The following CRK variants were observed in gnomAD, a reference collection of about 807,000 sequenced individuals.
The protein encoded by CRK is CRK proto-oncogene, adaptor protein.
In CRK, 4 loss-of-function variants were observed where a neutral mutation model predicts 29.8. That is an observed-to-expected ratio of 0.13 (90% confidence interval 0.07 to 0.31). CRK has a LOEUF of 0.31. Among genes scored for constraint, CRK ranks in the 10% least tolerant of loss-of-function variants. The pLI is 1.00. For missense variants in CRK, 274 were observed against 396.5 expected (o/e 0.69, Z 2.62); for synonymous variants, 153 against 164.9 (o/e 0.93, Z 0.55).
At chr17:1,434,764 T>C (rs1428372848) in intron 2 of CRK, among the ~76,000 whole-genome samples, 1 of 129,426 alleles carries the variant, frequency 7.7e-6, no homozygotes, top group Non-Finnish European at 1.5e-5. Context: ...GCCTGGGCGA[T>C]GGAGTGAGAT....
chr17:1,448,823 A>C (rs922672686), intron 1 of CRK, among the ~76,000 whole-genome samples: 4 of 150,288 alleles, frequency 2.7e-5, no homozygotes, highest in African/African-American at 9.8e-5. Context: ...GGTGGCTCAC[A>C]CCTGTAATCT....
chr17:1,442,305 C>T (rs898608222), intron 1 of CRK, among the ~76,000 whole-genome samples: 1 of 151,882 alleles, frequency 6.6e-6, no homozygotes, highest in Non-Finnish European at 1.5e-5. Context: ...TAGGCGCACA[C>T]CACACCTGGC....
Position 1,441,102 on chromosome 17 carries a change from A to C in CRK, c.242-3947T>G, listed in dbSNP as rs1464584191. 3.3e-5 allele frequency among the ~76,000 whole-genome samples: 5 copies of C among 151,550 alleles called. 1 individual carries two copies. The East Asian group carries it at 9.8e-4, about 30-fold the overall frequency. ...AGGCACGCATCACCACGCCCAACTA[A>C]TTTTTTGTAGTAATGGGATTTCGCC... is the stretch of plus-strand genomic sequence containing the variant. On this transcript the variant is annotated intron_variant, in intron 1 of 2. Transcript: ENST00000300574.
Position 1,455,908 on chromosome 17 carries a change from C to G in CRK, c.210G>C (p.Pro70=). The G allele has an allele frequency of 6.3e-7, 1 of 1,581,634 alleles. No individual in the cohort carries two copies. Among genetic ancestry groups the G allele is most frequent in the Non-Finnish European group, 8.6e-7 (1 of 1,166,754 alleles). Residue 70 remains proline (P), a synonymous_variant, in exon 1 of 3, where the codon CCG becomes CCC. Coordinates refer to ENST00000300574, the MANE Select transcript of CRK (RefSeq NM_016823.4). ...YIINSSGPRP[P]VPPSPAQPPP... The stretch of plus-strand genomic sequence containing the variant: ...GAGGCTGGGCGGGCGACGGTGGCAC[C>G]GGCGGGCGCGGGCCGCTGCTGTTGA...
At chr17:1,431,403 A>G (rs1264846509) in intron 2 of CRK, among the ~76,000 whole-genome samples, 3 of 152,132 alleles carry the variant, frequency 2.0e-5, no homozygotes, top group Admixed American at 2.0e-4. Flanking sequence ...CTAAAGCATA[A>G]TTCCCAAAGA....
intron 1 of CRK, among the ~76,000 whole-genome samples, chr17:1,441,319 G>C (rs1186496534): frequency 2.0e-5 from 3 of 151,884 alleles, no homozygotes; most frequent in African/African-American, 7.2e-5. Context: ...TTAGTCTCCT[G>C]AGTACATGAT....
At position 1,443,500 on chromosome 17, in the gene CRK, A is replaced by G. The variant is rs938120892; in HGVS notation, c.242-6345T>C. Among the ~76,000 whole-genome samples, 3 of 152,120 alleles carry G rather than the reference A, an allele frequency of 2.0e-5. 1 individual carries two copies. Among genetic ancestry groups the G allele is most frequent in the African/African-American group, 7.2e-5 (3 of 41,486 alleles). On this transcript the variant is annotated intron_variant, in intron 1 of 2. Coordinates refer to ENST00000300574, the MANE Select transcript of CRK (RefSeq NM_016823.4). The stretch of plus-strand genomic sequence containing the variant: ...AAGCTCTGCCTCCCAGGTTCACGCC[A>G]TTCTCCTGCCTCAGCCTCCCAAGTA...
intron 1 of CRK, among the ~76,000 whole-genome samples, chr17:1,451,721 A>G (rs1286381467): frequency 6.6e-6 from 1 of 151,718 alleles, no homozygotes; most frequent in South Asian, 2.1e-4. Context: ...AGTGGGGGGA[A>G]AAAAAAACAA....
chr17:1,431,833 C>T (rs2073847436), intron 2 of CRK, among the ~76,000 whole-genome samples: 11 of 152,092 alleles, frequency 7.2e-5, no homozygotes, highest in Admixed American at 7.2e-4. Flanking sequence ...CGAGTGCTTG[C>T]CCCAGAACTG....
intron 1 of CRK, among the ~76,000 whole-genome samples, chr17:1,447,757 C>T (rs2073986289): frequency 6.6e-6 from 1 of 151,950 alleles, no homozygotes; most frequent in Admixed American, 6.6e-5. Flanking sequence ...GCTGGGATTA[C>T]AGGCGCCCAC....
chr17:1,423,444 G>A lies in CRK; in HGVS notation c.*69C>T. The A allele has an allele frequency of 6.5e-7, 1 of 1,543,920 alleles. No homozygotes were observed. ...TGCTTTTGACATCTGTAAGAAAATT[G>A]TATAGATGGCAGTTGGAAAAAAAAA... is the stretch of plus-strand genomic sequence containing the variant. On this transcript the variant is annotated 3_prime_UTR_variant, in exon 3 of 3. Transcript: ENST00000300574.
At chr17:1,427,617 G>C (rs960582635) in intron 2 of CRK, among the ~76,000 whole-genome samples, 1 of 151,424 alleles carries the variant, frequency 6.6e-6, no homozygotes, top group African/African-American at 2.4e-5. Context: ...ATACCTCAAT[G>C]TTATATTGTC....
intron 1 of CRK, among the ~76,000 whole-genome samples, chr17:1,438,313 A>G (rs1239417651): frequency 1.3e-5 from 2 of 152,040 alleles, no homozygotes; most frequent in African/African-American, 4.8e-5. Flanking sequence ...AATATTTTGT[A>G]GAGATGGGGT....
chr17:1,441,539 T>C (rs1030858622), intron 1 of CRK, among the ~76,000 whole-genome samples: 1 of 151,678 alleles, frequency 6.6e-6, no homozygotes, highest in East Asian at 1.9e-4. Context: ...TCACCCAGGC[T>C]GGAGTGCACT....
chr17:1,427,131 A>G (rs1269237889), intron 2 of CRK, among the ~76,000 whole-genome samples: 1 of 150,432 alleles, frequency 6.6e-6, no homozygotes, highest in African/African-American at 2.4e-5. Flanking sequence ...CTCTTGAAAA[A>G]AAAAAAAAAA....
In CRK at chr17:1,456,016, C is replaced by G. The variant is rs1221633208; in HGVS notation, c.102G>C (p.Val34=). Residue 34 remains valine (V), a synonymous_variant, in exon 1 of 3, where the codon GTG becomes GTC. Transcript: ENST00000300574. ...VALLQGQRHG[V]FLVRDSSTSP... ...TGGTGCTCGAGTCCCGCACCAGGAA[C>G]ACCCCGTGCCGCTGGCCCTGCAGCA... 12 of 1,597,962 alleles carry G rather than the reference C, an allele frequency of 7.5e-6. No homozygotes were observed. Among genetic ancestry groups the G allele is most frequent in the Non-Finnish European group, 1.0e-5 (12 of 1,174,048 alleles).
chr17:1,451,788 G>A (rs1035908463), intron 1 of CRK, among the ~76,000 whole-genome samples: 19 of 151,940 alleles, frequency 1.3e-4, no homozygotes, highest in African/African-American at 4.3e-4. Flanking sequence ...AGACCAGCCT[G>A]GCCAACATGG....
intron 1 of CRK, among the ~76,000 whole-genome samples, chr17:1,452,364 A>C (rs139876387): frequency 3.7e-4 from 57 of 152,352 alleles, no homozygotes; most frequent in African/African-American, 1.3e-3. Context: ...ATTAGTTATT[A>C]ATATTCTATA....
intron 2 of CRK, among the ~76,000 whole-genome samples, chr17:1,428,915 A>AGCTCACTGCAACCTCC (rs994919659): frequency 6.7e-6 from 1 of 149,506 alleles, no homozygotes; most frequent in African/African-American, 2.5e-5. Context: ...GCGCAATCTC[A>AGCTCACTGCAACCTCC]GCTCACTGCA....
Sources: gnomAD v4.1 joint callset for allele counts (sites outside exome capture counted in the v4.1 genomes callset) on GRCh38, gnomAD v4.1.1 for gene constraint, MANE v1.5 for transcripts, NCBI Gene and HGNC (gene_info 2026-07-23, HGNC 2026-07-21) for gene names.